CACNA1C: variants seen among roughly 807,000 people sequenced by gnomAD.
CACNA1C encodes calcium voltage-gated channel subunit alpha1 C, also known as voltage-dependent L-type calcium channel subunit alpha-1C.
A neutral mutation model predicts 229.0 loss-of-function variants in CACNA1C; 30 were observed. The ratio of observed to expected loss-of-function variants is 0.13; its 90% CI spans 0.10 to 0.18. The LOEUF is 0.18. Ranked by LOEUF, CACNA1C falls within the 10% of genes least tolerant of loss-of-function variation. The probability of loss-of-function intolerance (pLI) is 1.00; values close to 1 mark genes in which losing one functional copy is unlikely to be tolerated. For missense variants in CACNA1C, 1,658 were observed against 2,845.0 expected, an observed-to-expected ratio of 0.58 and a Z score of 9.49; for synonymous variants, 1,114 against 1,132.5, an observed-to-expected ratio of 0.98 and a Z score of 0.33.
chr12:2,164,527 G>GTC (rs1302070286), intron 3 of CACNA1C, among the ~76,000 whole-genome samples: 1 of 152,198 alleles, frequency 6.6e-6, no homozygotes, highest in Non-Finnish European at 1.5e-5. Flanking sequence ...GCCTTTACCT[G>GTC]TCTCTCTCTG....
At chr12:2,554,066 C>A (rs1014429871) in intron 10 of CACNA1C, among the ~76,000 whole-genome samples, 1 of 152,038 alleles carries the variant, frequency 6.6e-6, no homozygotes, top group South Asian at 2.1e-4. Context: ...TTTTACACAG[C>A]AGGTAGTAAA....
chr12:2,590,512 C>T lies in CACNA1C; in HGVS notation c.2531-2701C>T, dbSNP rs116351534. On this transcript the variant is annotated intron_variant, in intron 18 of 46. Transcript: ENST00000399655. ...CAGCATCCCTCCTCATCCATAATAC[C>T]TGCTAAGCATCACGTGCTGTCAAAG... Among the ~76,000 whole-genome samples, 809 of 152,334 alleles carry T rather than the reference C, an allele frequency of 5.3e-3. 9 individuals are homozygous for T. Among genetic ancestry groups the T allele is most frequent in the African/African-American group, 0.018 (746 of 41,574 alleles).
chr12:1,997,259 T>C (rs895594505), intron 1 of CACNA1C, among the ~76,000 whole-genome samples: 1 of 152,236 alleles, frequency 6.6e-6, no homozygotes, highest in African/African-American at 2.4e-5. Context: ...CCAGGTGCGG[T>C]GGCTCACGCC....
rs151265645 is a variant in CACNA1C at position 2,128,472 on chromosome 12, G to A, written c.477+8042G>A. Among the ~76,000 whole-genome samples, 52 of 152,056 alleles carry A rather than the reference G, an allele frequency of 3.4e-4. 1 individual carries two copies. Among genetic ancestry groups the A allele is most frequent in the Middle Eastern group, 3.4e-3 (1 of 294 alleles). On this transcript the variant is annotated intron_variant, in intron 3 of 46. Coordinates refer to ENST00000399655, the MANE Select transcript of CACNA1C (RefSeq NM_000719.7). ...GTCGCCCAGGCTGGAGTGCAGTGGC[G>A]CGATCTCGGCTCACTGCAAGCTCCA...
intron 18 of CACNA1C, among the ~76,000 whole-genome samples, chr12:2,588,106 G>GT (rs1223221631): frequency 6.6e-6 from 1 of 152,144 alleles, no homozygotes; most frequent in African/African-American, 2.4e-5. Flanking sequence ...GGATCCTTTA[G>GT]TGCCAGGTGC....
intron 1 of CACNA1C, among the ~76,000 whole-genome samples, chr12:2,008,526 A>G (rs1242432162): frequency 2.6e-5 from 4 of 152,196 alleles, no homozygotes. Flanking sequence ...TAGAGATTCA[A>G]TAAATGCTTA....
At chr12:2,563,120 G>A (rs1197026265) in intron 11 of CACNA1C, among the ~76,000 whole-genome samples, 1 of 152,148 alleles carries the variant, frequency 6.6e-6, no homozygotes, top group Non-Finnish European at 1.5e-5. Context: ...ATATGAGTGA[G>A]AATATGTACA....
chr12:2,600,002 T>C (rs1361492698), intron 21 of CACNA1C, among the ~76,000 whole-genome samples: 3 of 152,180 alleles, frequency 2.0e-5, no homozygotes, highest in Non-Finnish European at 2.9e-5. Flanking sequence ...CTGAGCCTTA[T>C]TAGTCCACCC....
At chr12:2,487,344 G>A (rs2099701714) in intron 6 of CACNA1C, among the ~76,000 whole-genome samples, 1 of 150,470 alleles carries the variant, frequency 6.6e-6, no homozygotes, top group Non-Finnish European at 1.5e-5. Context: ...CAGTTAAATG[G>A]GACCTCTCGC....
chr12:2,643,753 C>T (rs758259953), intron 30 of CACNA1C, among the ~76,000 whole-genome samples: 1 of 152,164 alleles, frequency 6.6e-6, no homozygotes, highest in Non-Finnish European at 1.5e-5. Flanking sequence ...GGCTCCTGGC[C>T]ATGAAGTTGG....
intron 2 of CACNA1C, among the ~76,000 whole-genome samples, chr12:2,115,949 T>G (rs985964066): frequency 1.6e-4 from 25 of 152,340 alleles, no homozygotes; most frequent in African/African-American, 5.5e-4. Context: ...TTCCCTTCTT[T>G]CCCTTCTGTG....
At chr12:2,051,985 G>A (rs1297465598), upstream of CACNA1C, among the ~76,000 whole-genome samples, 1 of 152,180 alleles carries the variant, frequency 6.6e-6, no homozygotes, top group Non-Finnish European at 1.5e-5. Flanking sequence ...GGCAGGTAGA[G>A]GTTTTCCCCA....
intron 22 of CACNA1C, 108 bp from the exon 23 acceptor site, chr12:2,604,973 T>C: frequency 1.2e-6 from 1 of 804,858 alleles, no homozygotes; most frequent in African/African-American, 1.7e-5. Flanking sequence ...CTTTATGTTT[T>C]CTCAGGTTTG....
intron 8 of CACNA1C, among the ~76,000 whole-genome samples, chr12:2,507,146 G>A (rs1201736232): frequency 6.6e-6 from 1 of 152,184 alleles, no homozygotes; most frequent in African/African-American, 2.4e-5. Flanking sequence ...TCTTTGAGTC[G>A]ATACGCTGGT....
At chr12:2,019,552 AGGAAGGAAGGAAGGAAAGAAAAGAAAG>A in intron 1 of CACNA1C, among the ~76,000 whole-genome samples, 1 of 146,368 alleles carries the variant, frequency 6.8e-6, no homozygotes, top group African/African-American at 2.6e-5. Context: ...GAAGGAAAGA[AGGAAGGAAGGAAGGAAAGAAAAGAAAG>A]AGAGAGAGAA....
intron 3 of CACNA1C, among the ~76,000 whole-genome samples, chr12:2,145,028 G>A (rs2094577156): frequency 6.6e-6 from 1 of 151,260 alleles, no homozygotes; most frequent in Non-Finnish European, 1.5e-5. Context: ...CACTATATTG[G>A]AGAGATTGTT....
chr12:2,081,280 A>C (rs4765889), intron 1 of CACNA1C, among the ~76,000 whole-genome samples: 13 of 152,016 alleles, frequency 8.6e-5, no homozygotes, highest in African/African-American at 2.9e-4. Context: ...GGATGGAAAG[A>C]CATTTTTCGG....
chr12:2,186,213 C>T (rs1191160637), intron 3 of CACNA1C, among the ~76,000 whole-genome samples: 1 of 152,206 alleles, frequency 6.6e-6, no homozygotes, highest in Non-Finnish European at 1.5e-5. Context: ...CGACATGTGG[C>T]CAGCACAGAG....
rs2052960334 is a variant in CACNA1C, at chr12:2,053,530, G to A, written c.-33G>A. The A allele has an allele frequency of 1.3e-6, 2 of 1,571,812 alleles. No homozygotes were observed. Among genetic ancestry groups the A allele is most frequent in the Non-Finnish European group, 1.7e-6 (2 of 1,158,304 alleles). The stretch of plus-strand genomic sequence containing the variant: ...TGTTTTCACATTTCTTCCTCTTCGT[G>A]GCTGCTCCTCCTATTAAAACCATTT... On this transcript the variant is annotated 5_prime_UTR_variant, in exon 1 of 47. Coordinates refer to ENST00000399655, the MANE Select transcript of CACNA1C (RefSeq NM_000719.7). This position sits in a 1 kb window ranked among gnomAD's most constrained non-coding sequence, Gnocchi z 5.8.
Sources: allele counts gnomAD v4.1 joint callset (sites outside exome capture counted in the v4.1 genomes callset), GRCh38; gene constraint gnomAD v4.1.1; non-coding constraint Gnocchi (gnomAD v3.1); transcripts MANE v1.5; gene names NCBI Gene and HGNC (gene_info 2026-07-23, HGNC 2026-07-21).